Variants in WIPF3 observed in about 807,000 individuals in gnomAD.
The protein encoded by WIPF3 is WAS/WASL-interacting protein family member 3.
Under a neutral mutation model 38.9 loss-of-function variants are expected in WIPF3, and 33 were observed. The observed-to-expected ratio is 0.85, with a 90% CI of 0.64 to 1.14. The LOEUF (loss-of-function observed/expected upper bound fraction) is 1.14, where lower values mean the gene tolerates loss of function less well. Ranked by LOEUF, WIPF3 falls within the 50% of genes most tolerant of loss-of-function variation. The probability of loss-of-function intolerance (pLI) is 0.00; values close to 1 mark genes in which losing one functional copy is unlikely to be tolerated. For synonymous variants in WIPF3, 324 were observed against 269.3 expected, an observed-to-expected ratio of 1.20 and a Z score of -1.99; for missense variants, 711 against 652.5, an observed-to-expected ratio of 1.09 and a Z score of -0.98.
intron 2 of WIPF3, among the ~76,000 whole-genome samples, chr7:29,849,561 G>A (rs1785058593): frequency 6.6e-6 from 1 of 152,296 alleles, no homozygotes; most frequent in African/African-American, 2.4e-5. Context: ...CACCTTCAGT[G>A]TTCTCTAGTC....
chr7:29,879,232 T>C (rs1046570308), intron 4 of WIPF3, 92 bp downstream of exon 4: 7 of 1,470,422 alleles, frequency 4.8e-6, no homozygotes, highest in African/African-American at 2.8e-5. Flanking sequence ...GTAAGCAACA[T>C]GGTTTTACTG....
Position 29,889,293 on chromosome 7 carries a change from C to T in WIPF3, c.1250-13C>T, listed in dbSNP as rs766184866. 183 of 1,606,800 alleles carry T rather than the reference C, an allele frequency of 1.1e-4. No individual in the cohort carries two copies. The highest frequency in any genetic ancestry group is 1.4e-4 in the Non-Finnish European group (162 of 1,173,810). On this transcript the variant is annotated splice_polypyrimidine_tract_variant and intron_variant, in intron 6 of 8. Coordinates refer to ENST00000242140, the MANE Select transcript of WIPF3 (RefSeq NM_001080529.3). ...GTAACCTGAGTAACTCTTTCCATTT[C>T]GCTTGTGTGCAGATGACTTCGAGTC...
intron 7 of WIPF3, among the ~76,000 whole-genome samples, chr7:29,891,657 C>T (rs960195267): frequency 3.9e-5 from 6 of 152,258 alleles, no homozygotes; most frequent in East Asian, 1.9e-4. Flanking sequence ...TCACATGAAC[C>T]GCCTGTCATA....
rs1786582475 is a variant in WIPF3, at chr7:29,915,076, AAT to A, written c.*561_*562del. On this transcript the variant is annotated 3_prime_UTR_variant, in exon 9 of 9. Coordinates refer to ENST00000242140, the MANE Select transcript of WIPF3 (RefSeq NM_001080529.3). ...CTCGCTTCCATTTTGCAGTACAGGG[AAT>A]TTTTTTTTTTTTTTTTTTTTTTTTT... 4 of 109,030 alleles carry A rather than the reference AAT, an allele frequency of 3.7e-5. No homozygotes were observed. The highest frequency in any genetic ancestry group is 3.6e-5 in the Non-Finnish European group (2 of 56,228). 6.8% of individuals were successfully genotyped at this position (109,030 alleles called of 1,614,324 possible).
At chr7:29,861,198 G>A (rs1200664483) in intron 2 of WIPF3, among the ~76,000 whole-genome samples, 1 of 152,136 alleles carries the variant, frequency 6.6e-6, no homozygotes, top group African/African-American at 2.4e-5. Flanking sequence ...CCCCTACTCT[G>A]TCCCTGCCCA....
intron 2 of WIPF3, among the ~76,000 whole-genome samples, chr7:29,866,357 C>T (rs1362185460): frequency 6.6e-6 from 1 of 152,148 alleles, no homozygotes; most frequent in Non-Finnish European, 1.5e-5. Context: ...TGCCAAAGAC[C>T]CTGCATTTTG....
At chr7:29,813,052 C>T (rs1201746712) in intron 1 of WIPF3, among the ~76,000 whole-genome samples, 1 of 152,212 alleles carries the variant, frequency 6.6e-6, no homozygotes, top group Admixed American at 6.5e-5. Context: ...TTGACCACCG[C>T]TTCCCACTCT....
chr7:29,820,160 T>A (rs1392934191), intron 1 of WIPF3, among the ~76,000 whole-genome samples: 1 of 152,114 alleles, frequency 6.6e-6, no homozygotes, highest in Non-Finnish European at 1.5e-5. Context: ...AGCTTTGCTT[T>A]ATTAATTTTG....
At chr7:29,904,146 G>A (rs1486897284) in intron 7 of WIPF3, 140 bp from the exon 8 acceptor site, 5 of 681,410 alleles carry the variant, frequency 7.3e-6, no homozygotes, top group South Asian at 5.7e-5. Flanking sequence ...GAAGATGGGA[G>A]TGGTGGAAAC....
chr7:29,859,384 A>C (rs1054448615), intron 2 of WIPF3, among the ~76,000 whole-genome samples: 1 of 152,104 alleles, frequency 6.6e-6, no homozygotes, highest in Non-Finnish European at 1.5e-5. Flanking sequence ...GCTCAGTGTG[A>C]GGGTGTTGAT....
chr7:29,841,371 A>G (rs914522904), intron 2 of WIPF3, among the ~76,000 whole-genome samples: 2 of 152,078 alleles, frequency 1.3e-5, no homozygotes, highest in African/African-American at 4.8e-5. Context: ...TTTTTTCAAG[A>G]GCGTGGAACA....
At chr7:29,855,252 C>T (rs1236334482) in intron 2 of WIPF3, among the ~76,000 whole-genome samples, 1 of 152,206 alleles carries the variant, frequency 6.6e-6, no homozygotes, top group East Asian at 1.9e-4. Flanking sequence ...GATGCACATC[C>T]TTTCCCCCAA....
At chr7:29,849,067 T>C (rs1051659838) in intron 2 of WIPF3, among the ~76,000 whole-genome samples, 1 of 152,124 alleles carries the variant, frequency 6.6e-6, no homozygotes, top group Non-Finnish European at 1.5e-5. Flanking sequence ...TAAAAGTTCA[T>C]AAGTCATCTG....
intron 7 of WIPF3, among the ~76,000 whole-genome samples, chr7:29,903,923 T>C (rs1407785334): frequency 1.3e-5 from 2 of 152,202 alleles, no homozygotes; most frequent in African/African-American, 4.8e-5. Context: ...TCCTCATGGA[T>C]GGGAGGCCTG....
At chr7:29,807,900 G>A (rs1319176375) in intron 1 of WIPF3, among the ~76,000 whole-genome samples, 2 of 152,132 alleles carry the variant, frequency 1.3e-5, no homozygotes, top group African/African-American at 2.4e-5. Flanking sequence ...GGGAGGACTG[G>A]GAGTGCACTT....
At chr7:29,853,919 C>T (rs1308478629) in intron 2 of WIPF3, among the ~76,000 whole-genome samples, 5 of 152,078 alleles carry the variant, frequency 3.3e-5, no homozygotes, top group East Asian at 3.8e-4. Context: ...TAATGTGAAC[C>T]GGTAAAACAA....
chr7:29,813,944 A>G (rs1401116292), intron 1 of WIPF3, among the ~76,000 whole-genome samples: 3 of 149,766 alleles, frequency 2.0e-5, no homozygotes, highest in Non-Finnish European at 4.4e-5. Flanking sequence ...TTTTTGAGAC[A>G]GGGTTTCGCT....
At chr7:29,808,186 A>T (rs1784314745) in intron 1 of WIPF3, among the ~76,000 whole-genome samples, 1 of 152,236 alleles carries the variant, frequency 6.6e-6, no homozygotes, top group Admixed American at 6.5e-5. Context: ...ATGTGATGCT[A>T]AAGTCCACTC....
intron 4 of WIPF3, among the ~76,000 whole-genome samples, 180 bp downstream of exon 4, chr7:29,879,320 G>C (rs749044436): frequency 1.1e-4 from 17 of 152,346 alleles, no homozygotes; most frequent in South Asian, 6.2e-4. Context: ...AATGGTTCTT[G>C]AGAAATCTTT....
Sources: gnomAD v4.1 joint callset for allele counts (sites outside exome capture counted in the v4.1 genomes callset) on GRCh38, gnomAD v4.1.1 for gene constraint, MANE v1.5 for transcripts, NCBI Gene and HGNC (gene_info 2026-07-23, HGNC 2026-07-21) for gene names.